Variants in EFNA5 observed in about 807,000 individuals in gnomAD.
EFNA5 encodes the protein ephrin-A5.
EFNA5 carries 5 observed loss-of-function variants against 22.9 expected under a neutral mutation model. That is an observed-to-expected ratio of 0.22 (90% CI 0.11 to 0.46). EFNA5 has a LOEUF of 0.46. EFNA5 is among the 20% of genes least tolerant of loss of function. The pLI, the probability that EFNA5 is intolerant of heterozygous loss-of-function variation, is 0.99. For synonymous variants in EFNA5, 113 were observed against 112.2 expected (o/e 1.01, Z -0.04); for missense variants, 237 against 293.3 (o/e 0.81, Z 1.40).
At chr5:107,639,775 T>C (rs1750463041) in intron 1 of EFNA5, among the ~76,000 whole-genome samples, 1 of 152,138 alleles carries the variant, frequency 6.6e-6, no homozygotes, top group Non-Finnish European at 1.5e-5. Flanking sequence ...CAAATGTCTA[T>C]TAAAACACAT....
chr5:107,670,668 A>G lies in EFNA5; in HGVS notation c.-55T>C. ...GCGCCACTCCGGGGAGAGAGCGGGG[A>G]TCCGGAGGGAGGGAGGCAGGCAAAG... is the stretch of plus-strand genomic sequence containing the variant. On this transcript the variant is annotated 5_prime_UTR_variant, in exon 1 of 5. Transcript: ENST00000333274. The G allele has an allele frequency of 6.3e-7, 1 of 1,575,268 alleles. No individual in the cohort carries two copies. The highest frequency in any genetic ancestry group is 1.8e-5 in the Admixed American group (1 of 56,322).
At chr5:107,644,706 TTTTG>T (rs1024742099) in intron 1 of EFNA5, among the ~76,000 whole-genome samples, 11 of 152,252 alleles carry the variant, frequency 7.2e-5, no homozygotes, top group South Asian at 4.1e-4. Context: ...CTGTTTTGTT[TTTTG>T]TTTGTTTTTT....
rs146231391 is a variant in EFNA5, at chr5:107,478,232, G to A, written c.126-50723C>T. Among the ~76,000 whole-genome samples, 24 of 152,264 alleles carry A rather than the reference G, an allele frequency of 1.6e-4. No individual in the cohort carries two copies. The East Asian group carries it at 3.9e-3, about 25-fold the overall frequency. ...TCAGGCACAGTGGCCAGACTTCTAC[G>A]GAGAAAGAGGAGGCAGGCAAGAGAT... On this transcript the variant is annotated intron_variant, in intron 1 of 4. Transcript: ENST00000333274.
chr5:107,659,692 A>G (rs1750904910), intron 1 of EFNA5, among the ~76,000 whole-genome samples: 1 of 151,938 alleles, frequency 6.6e-6, no homozygotes, highest in African/African-American at 2.4e-5. Context: ...AAAAAAAATA[A>G]TTTGCAAAAG....
chr5:107,664,761 C>T (rs1197730956), intron 1 of EFNA5, among the ~76,000 whole-genome samples: 3 of 152,098 alleles, frequency 2.0e-5, no homozygotes, highest in Non-Finnish European at 4.4e-5. Flanking sequence ...CCTCACTGTG[C>T]TTAGGGAAAT....
At chr5:107,524,607 A>G (rs1747658484) in intron 1 of EFNA5, among the ~76,000 whole-genome samples, 1 of 152,216 alleles carries the variant, frequency 6.6e-6, no homozygotes, top group South Asian at 2.1e-4. Flanking sequence ...CATACTGAAT[A>G]TAGGAGAAAA....
intron 1 of EFNA5, among the ~76,000 whole-genome samples, chr5:107,448,859 AAAT>A (rs1561390898): frequency 3.3e-4 from 39 of 116,600 alleles, no homozygotes; most frequent in African/African-American, 1.2e-3. Context: ...ATAAATAAAT[AAAT>A]AAATAAATAA....
At chr5:107,446,752 A>G (rs1415615356) in intron 1 of EFNA5, among the ~76,000 whole-genome samples, 3 of 123,236 alleles carry the variant, frequency 2.4e-5, no homozygotes, top group Non-Finnish European at 5.1e-5. Flanking sequence ...CTTTAGAAAT[A>G]AAAAACTTAA....
At chr5:107,478,426 C>T (rs1234835734) in intron 1 of EFNA5, among the ~76,000 whole-genome samples, 1 of 151,722 alleles carries the variant, frequency 6.6e-6, no homozygotes, top group East Asian at 1.9e-4. Context: ...GGATTAGTTA[C>T]AAAGGTTTTG....
intron 1 of EFNA5, among the ~76,000 whole-genome samples, chr5:107,481,338 C>T (rs1279060086): frequency 1.3e-5 from 2 of 152,150 alleles, no homozygotes; most frequent in Admixed American, 6.5e-5. Context: ...GTTGAGATGG[C>T]CTTCTCCATC....
chr5:107,473,577 C>T (rs1750200797), intron 1 of EFNA5, among the ~76,000 whole-genome samples: 1 of 152,040 alleles, frequency 6.6e-6, no homozygotes, highest in Non-Finnish European at 1.5e-5. Context: ...GGAACAGATG[C>T]CAAACCATGA....
At chr5:107,439,407 T>C (rs938367067) in intron 1 of EFNA5, among the ~76,000 whole-genome samples, 1 of 152,198 alleles carries the variant, frequency 6.6e-6, no homozygotes, top group Non-Finnish European at 1.5e-5. Context: ...AGCAGACTAA[T>C]ATGAGCAGTT....
At chr5:107,398,891 C>T (rs993061977) in intron 2 of EFNA5, among the ~76,000 whole-genome samples, 1 of 148,722 alleles carries the variant, frequency 6.7e-6, no homozygotes, top group Non-Finnish European at 1.5e-5. Flanking sequence ...CTAGCTGCAA[C>T]GTGATTTGTT....
At chr5:107,510,615 T>C (rs1747349374) in intron 1 of EFNA5, among the ~76,000 whole-genome samples, 2 of 152,184 alleles carry the variant, frequency 1.3e-5, no homozygotes, top group Non-Finnish European at 2.9e-5. Flanking sequence ...AAGTCTTAAA[T>C]GTTTATGACA....
At position 107,521,627 on chromosome 5, in the gene EFNA5, T is replaced by C. The variant is rs894864663; in HGVS notation, c.126-94118A>G. Among the ~76,000 whole-genome samples the C allele has an allele frequency of 2.0e-5, 3 of 151,926 alleles. No homozygotes were observed. In the East Asian group the frequency reaches 5.8e-4, roughly 29 times the overall value. On this transcript the variant is annotated intron_variant, in intron 1 of 4. Transcript: ENST00000333274. ...AGTACTAGTTGTCTACCCTAGTGAT[T>C]GCGCGGCTTACTGGGAACTGCAACT...
intron 1 of EFNA5, among the ~76,000 whole-genome samples, chr5:107,607,219 A>G (rs1030860068): frequency 1.5e-4 from 23 of 152,222 alleles, no homozygotes; most frequent in Non-Finnish European, 2.2e-4. Context: ...CCAGACTGCT[A>G]TGACTAATAA....
intron 1 of EFNA5, among the ~76,000 whole-genome samples, chr5:107,456,646 G>C (rs1749706593): frequency 6.6e-6 from 1 of 152,148 alleles, no homozygotes. Context: ...CTCTACACTA[G>C]TTGAACAAAC....
At chr5:107,436,286 C>T (rs1047981749) in intron 1 of EFNA5, among the ~76,000 whole-genome samples, 1 of 152,182 alleles carries the variant, frequency 6.6e-6, no homozygotes, top group African/African-American at 2.4e-5. Flanking sequence ...ATTAAATTGG[C>T]AGAGCCTAAA....
chr5:107,640,954 T>TGGTA (rs55878264), intron 1 of EFNA5, among the ~76,000 whole-genome samples: 17,981 of 148,864 alleles, frequency 0.12, 1,363 homozygotes, highest in South Asian at 0.3. Context: ...TTTAGCAACC[T>TGGTA]GGTAGGTAGG....
Sources: allele counts gnomAD v4.1 joint callset (sites outside exome capture counted in the v4.1 genomes callset), GRCh38; gene constraint gnomAD v4.1.1; transcripts MANE v1.5; gene names NCBI Gene and HGNC (gene_info 2026-07-23, HGNC 2026-07-21).